ASAH2: variants seen among roughly 807,000 people sequenced by gnomAD.
The protein encoded by ASAH2 is neutral ceramidase.
In ASAH2, 58 loss-of-function variants were observed where a neutral mutation model predicts 82.9. The observed-to-expected ratio is 0.70, with a 90% CI of 0.57 to 0.87. The LOEUF (loss-of-function observed/expected upper bound fraction) is 0.87. Among genes scored for constraint, ASAH2 ranks in the 40% least tolerant of loss-of-function variants. The pLI, the probability that ASAH2 is intolerant of heterozygous loss-of-function variation, is 0.00. For synonymous variants in ASAH2, 276 were observed against 289.7 expected, an observed-to-expected ratio of 0.95 and a Z score of 0.48; for missense variants, 779 against 834.0, an observed-to-expected ratio of 0.93 and a Z score of 0.81.
chr10:50,207,213 T>C (rs1217170263), intron 12 of ASAH2, among the ~76,000 whole-genome samples: 1 of 151,794 alleles, frequency 6.6e-6, no homozygotes, highest in African/African-American at 2.4e-5. Flanking sequence ...TAAATGCCCA[T>C]ATATTAAGAA....
chr10:50,228,354 C>A (rs980633808), intron 7 of ASAH2, among the ~76,000 whole-genome samples: 1 of 151,792 alleles, frequency 6.6e-6, no homozygotes, highest in Non-Finnish European at 1.5e-5. Context: ...GTTAAGTGGA[C>A]GGAGGGGAGA....
intron 8 of ASAH2, 142 bp downstream of exon 8, chr10:50,218,368 A>G (rs1367148382): frequency 8.2e-7 from 1 of 1,215,668 alleles, no homozygotes; most frequent in African/African-American, 1.5e-5. Context: ...GAGGATGGTA[A>G]ATGCTGTCTA....
chr10:50,234,422 C>T lies in ASAH2; in HGVS notation c.815+3G>A. Reference sequence around the variant, plus strand: ...CGATTTCATTTTGACGATTCCTCCTCACCTTGCTCTCTCTGACTGCGGATT... The same window carrying T: ...CGATTTCATTTTGACGATTCCTCCTTACCTTGCTCTCTCTGACTGCGGATT... On this transcript the variant is annotated splice_donor_region_variant and intron_variant, in intron 6 of 20. Coordinates refer to ENST00000682911, the MANE Select transcript of ASAH2 (RefSeq NM_019893.4). The T allele has an allele frequency of 1.2e-6, 2 of 1,612,988 alleles. No individual in the cohort carries two copies. Among genetic ancestry groups the T allele is most frequent in the South Asian group, 1.1e-5 (1 of 91,062 alleles).
intron 7 of ASAH2, among the ~76,000 whole-genome samples, chr10:50,227,672 A>G (rs1845924968): frequency 1.3e-5 from 2 of 152,162 alleles, no homozygotes; most frequent in South Asian, 4.1e-4. Context: ...TTTTCAGGTT[A>G]AGTAAGAACT....
At chr10:50,231,497 T>A (rs953046716) in intron 7 of ASAH2, among the ~76,000 whole-genome samples, 3 of 152,260 alleles carry the variant, frequency 2.0e-5, no homozygotes, top group South Asian at 2.1e-4. Flanking sequence ...ATCTGATTCA[T>A]GTTATGGTTA....
intron 7 of ASAH2, among the ~76,000 whole-genome samples, chr10:50,221,302 A>G (rs1435692693): frequency 6.6e-6 from 1 of 152,180 alleles, no homozygotes; most frequent in Non-Finnish European, 1.5e-5. Context: ...AGTTTGGAAG[A>G]AAATGTGGTG....
chr10:50,226,105 T>G (rs1329242588), intron 7 of ASAH2, among the ~76,000 whole-genome samples: 2 of 150,856 alleles, frequency 1.3e-5, no homozygotes, highest in Non-Finnish European at 3.0e-5. Context: ...AAAAAAAAAA[T>G]GTTTATCACG....
intron 7 of ASAH2, among the ~76,000 whole-genome samples, chr10:50,221,693 T>TGGAA (rs1476475121): frequency 9.6e-6 from 1 of 104,518 alleles, no homozygotes; most frequent in East Asian, 3.0e-4. Flanking sequence ...GATAGATAGA[T>TGGAA]GGATGGATAG....
chr10:50,204,107 A>G (rs1845230595), intron 14 of ASAH2, among the ~76,000 whole-genome samples: 4 of 152,040 alleles, frequency 2.6e-5, no homozygotes, highest in African/African-American at 9.6e-5. Context: ...AGCTTGATGA[A>G]GAACAGATCA....
chr10:50,236,250 C>T (rs1473518611), intron 4 of ASAH2, among the ~76,000 whole-genome samples, 186 bp from the exon 5 acceptor site: 4 of 152,094 alleles, frequency 2.6e-5, no homozygotes, highest in African/African-American at 9.7e-5. Context: ...AATTGACTCA[C>T]AGTTCAGCAT....
chr10:50,234,669 A>G, intron 5 of ASAH2, 117 bp from the exon 6 acceptor site: 1 of 1,379,278 alleles, frequency 7.3e-7, no homozygotes, highest in Non-Finnish European at 1.0e-6. Context: ...TAATGGGTCC[A>G]CATTACGGGA....
At position 50,245,370 on chromosome 10, in the gene ASAH2, T is replaced by A; in HGVS notation, c.212A>T (p.Gln71Leu). 1.2e-6 allele frequency: 2 copies of A among 1,613,868 alleles called. No individual in the cohort carries two copies. Among genetic ancestry groups the A allele is most frequent in the Middle Eastern group, 1.7e-4 (1 of 6,060 alleles). The change falls in exon 3 of 21, where the codon CAG becomes CTG. Residue 71 changes from glutamine (Q) to leucine (L), a missense_variant. Around this residue, in one of 3 missense-constraint regions of ASAH2, gnomAD observed 759 missense variants for 755.2 expected, o/e 1.00. Coordinates refer to ENST00000682911, the MANE Select transcript of ASAH2 (RefSeq NM_019893.4). The part of the protein sequence containing the change: ...STAAQRSTAT[Q>L]HSTATQSSTA... ...GGAGCTCTGGGTGGCTGTGGAATGCTGGGTGGCTGTGGAGCGTTGGGCAGC... is the reference window on the plus strand; with the variant it reads ...GGAGCTCTGGGTGGCTGTGGAATGCAGGGTGGCTGTGGAGCGTTGGGCAGC...
chr10:50,240,227 G>T (rs1322903497), intron 4 of ASAH2, among the ~76,000 whole-genome samples: 6 of 152,094 alleles, frequency 3.9e-5, no homozygotes, highest in African/African-American at 1.4e-4. Flanking sequence ...GGGGGAAATT[G>T]TTAGGCAAAG....
At chr10:50,194,285 C>T (rs1844916757) in intron 18 of ASAH2, among the ~76,000 whole-genome samples, 2 of 151,392 alleles carry the variant, frequency 1.3e-5, no homozygotes, top group Non-Finnish European at 1.5e-5. Flanking sequence ...AATTCAGCAA[C>T]ATCTAAAAAG....
intron 10 of ASAH2, among the ~76,000 whole-genome samples, chr10:50,212,284 A>AT (rs1845477292): frequency 6.6e-6 from 1 of 151,976 alleles, no homozygotes; most frequent in African/African-American, 2.4e-5. Context: ...GTTCGAGGTA[A>AT]TTTTTTTGTC....
At chr10:50,214,925 C>T (rs35600969) in intron 8 of ASAH2, 57 bp from the exon 9 acceptor site, 670,775 of 1,597,274 alleles carry the variant, frequency 0.42, 145,208 homozygotes, top group Non-Finnish European at 0.45. Context: ...GTAATGAATG[C>T]CATTAGAAAT....
intron 4 of ASAH2, among the ~76,000 whole-genome samples, chr10:50,241,579 C>T (rs1846296959): frequency 6.6e-6 from 1 of 152,158 alleles, no homozygotes; most frequent in African/African-American, 2.4e-5. Context: ...GCTATAAAGA[C>T]ACTTGCACAC....
At chr10:50,221,645 G>A (rs1403650395) in intron 7 of ASAH2, among the ~76,000 whole-genome samples, 2 of 149,680 alleles carry the variant, frequency 1.3e-5, no homozygotes, top group African/African-American at 5.1e-5. Flanking sequence ...GTGTGTGTGT[G>A]TGTGTGTGTG....
At chr10:50,193,217 G>A (rs1844887351) in intron 18 of ASAH2, among the ~76,000 whole-genome samples, 2 of 151,132 alleles carry the variant, frequency 1.3e-5, no homozygotes. Flanking sequence ...AAGTGACAAA[G>A]AAAGACAGTG....
Sources: allele counts gnomAD v4.1 joint callset (sites outside exome capture counted in the v4.1 genomes callset), GRCh38; gene constraint gnomAD v4.1.1; regional missense constraint gnomAD v4.1.1; transcripts MANE v1.5; gene names NCBI Gene and HGNC (gene_info 2026-07-23, HGNC 2026-07-21).